The following DPP6 variants were observed in gnomAD, a reference collection of about 807,000 sequenced individuals.
DPP6 encodes dipeptidyl peptidase like 6.
A neutral mutation model predicts 122.6 loss-of-function variants in DPP6; 69 were observed. The observed-to-expected ratio is 0.56, with a 90% confidence interval of 0.46 to 0.69. The LOEUF (loss-of-function observed/expected upper bound fraction) is 0.69. Ranked by LOEUF, DPP6 falls within the 30% of genes least tolerant of loss-of-function variation. DPP6 has a pLI of 0.00. For synonymous variants in DPP6, 418 were observed against 433.1 expected, an observed-to-expected ratio of 0.97 and a Z score of 0.43; for missense variants, 928 against 1,116.9, an observed-to-expected ratio of 0.83 and a Z score of 2.41.
At chr7:153,819,810 A>C in the DPP6 span, among the ~76,000 whole-genome samples, 3 of 152,224 alleles carry the variant, frequency 2.0e-5, no homozygotes, top group Non-Finnish European at 2.9e-5. Context: ...AAAATCACTG[A>C]AATAAATGTA....
At chr7:154,416,983 T>C (rs1205079702) in intron 1 of DPP6, among the ~76,000 whole-genome samples, 1 of 152,204 alleles carries the variant, frequency 6.6e-6, no homozygotes, top group African/African-American at 2.4e-5. Flanking sequence ...TCACCTTGCT[T>C]ACCAAGGCCT....
intron 1 of DPP6, among the ~76,000 whole-genome samples, chr7:154,420,927 A>G (rs1817419324): frequency 6.6e-6 from 1 of 152,214 alleles, no homozygotes; most frequent in African/African-American, 2.4e-5. Context: ...GGCATTTTGC[A>G]CTTAAATCTG....
At position 154,421,135 on chromosome 7, in the gene DPP6, A is replaced by C. The variant is rs1318826655; in HGVS notation, c.244-25079A>C. On this transcript the variant is annotated intron_variant, in intron 1 of 25. Coordinates refer to ENST00000377770, the MANE Select transcript of DPP6 (RefSeq NM_130797.4). ...CGTCACGTCTGACACTCAGTTCTACATCTGTAAGTGAATATAACAATGCCT... is the reference window on the plus strand; with the variant it reads ...CGTCACGTCTGACACTCAGTTCTACCTCTGTAAGTGAATATAACAATGCCT... 2.7e-5 allele frequency among the ~76,000 whole-genome samples: 4 copies of C among 146,610 alleles called. No individual in the cohort carries two copies. In the East Asian group the frequency reaches 8.4e-4, roughly 31 times the overall value.
chr7:153,904,998 A>C (rs1156267313), intron 1 of DPP6, among the ~76,000 whole-genome samples: 2 of 152,248 alleles, frequency 1.3e-5, no homozygotes, highest in Non-Finnish European at 2.9e-5. Flanking sequence ...TAGGATTGGC[A>C]CAAAGGGTCT....
chr7:154,341,408 G>T (rs1809920016), intron 1 of DPP6, among the ~76,000 whole-genome samples: 1 of 152,028 alleles, frequency 6.6e-6, no homozygotes, highest in Non-Finnish European at 1.5e-5. Flanking sequence ...TCAGGTTTTA[G>T]AAATGAAATC....
chr7:153,756,345 C>A, the DPP6 span, among the ~76,000 whole-genome samples: 2 of 151,014 alleles, frequency 1.3e-5, no homozygotes, highest in Non-Finnish European at 2.9e-5. Flanking sequence ...CCTCTCATTT[C>A]AAAAAACTGA....
chr7:154,540,826 T>C (rs909072003), intron 4 of DPP6, among the ~76,000 whole-genome samples, 200 bp downstream of exon 4: 3 of 152,196 alleles, frequency 2.0e-5, no homozygotes, highest in African/African-American at 4.8e-5. Context: ...GTTTCTTTCA[T>C]TGTCTGGGAA....
At chr7:154,837,235 C>T (rs1264320011) in intron 16 of DPP6, among the ~76,000 whole-genome samples, 1 of 149,360 alleles carries the variant, frequency 6.7e-6, no homozygotes, top group Non-Finnish European at 1.5e-5. Context: ...CACACACACG[C>T]ATGCATAAGG....
In DPP6 at chr7:154,053,055, G is replaced by T; in HGVS notation, c.235G>T (p.Glu79Ter). The T allele has an allele frequency of 1.9e-6, 2 of 1,057,576 alleles. No individual in the cohort carries two copies. The highest frequency in any genetic ancestry group is 2.3e-6 in the Non-Finnish European group (2 of 876,008). The allele number at this position is 1,057,576 out of a possible 1,614,324, so 65.5% of individuals were successfully genotyped here. The change falls in exon 1 of 26, where the codon GAG becomes TAG. Residue 79 changes from glutamate to a stop codon, truncating the protein, a stop_gained. Coordinates refer to ENST00000377770, the MANE Select transcript of DPP6 (RefSeq NM_130797.4). LOFTEE classifies it high-confidence loss of function. ...FQYQARSDGDEEDELVGSNPP... is the reference protein window; with the variant it reads ...FQYQARSDGD ...GTACCAGGCGCGGAGCGATGGTGAC[G>T]AGGAGGACGTAAGAGCTTCTCGGGG...
At chr7:154,582,175 A>C (rs11770433) in intron 5 of DPP6, among the ~76,000 whole-genome samples, 87,152 of 152,048 alleles carry the variant, frequency 0.57, 26,914 homozygotes, top group Non-Finnish European at 0.69. Context: ...TTGGTAATCA[A>C]AGGTTTCATT....
intron 10 of DPP6, among the ~76,000 whole-genome samples, chr7:154,782,414 C>A (rs1186743382): frequency 2.0e-5 from 3 of 152,202 alleles, no homozygotes; most frequent in Non-Finnish European, 4.4e-5. Flanking sequence ...TAGCACTCAG[C>A]TCCAGCCTTA....
chr7:154,323,280 A>G (rs1218207221), intron 1 of DPP6, among the ~76,000 whole-genome samples: 5 of 152,134 alleles, frequency 3.3e-5, no homozygotes, highest in African/African-American at 9.7e-5. Flanking sequence ...AGTTCTTTAA[A>G]TTGGCACAGT....
chr7:154,751,836 C>A (rs575265690), intron 8 of DPP6, among the ~76,000 whole-genome samples: 1 of 151,848 alleles, frequency 6.6e-6, no homozygotes, highest in African/African-American at 2.4e-5. Context: ...GCTGCATGGC[C>A]GGTGGGGGGT....
intron 8 of DPP6, among the ~76,000 whole-genome samples, chr7:154,765,529 A>G (rs960257305): frequency 3.9e-5 from 6 of 152,298 alleles, no homozygotes; most frequent in Non-Finnish European, 8.8e-5. Flanking sequence ...CCTACTGGAT[A>G]TGACCTTAAT....
At chr7:154,269,402 G>A (rs1044991369) in intron 1 of DPP6, among the ~76,000 whole-genome samples, 3 of 152,140 alleles carry the variant, frequency 2.0e-5, no homozygotes, top group Non-Finnish European at 4.4e-5. Flanking sequence ...AGCCTAGTGC[G>A]ATGTCAGGTA....
intron 20 of DPP6, 59 bp downstream of exon 20, chr7:154,876,159 C>A (rs1395400054): frequency 6.7e-7 from 1 of 1,482,030 alleles, no homozygotes; most frequent in Non-Finnish European, 8.9e-7. Context: ...CTCATGGGGG[C>A]AGCACCGCAG....
chr7:154,867,715 G>A (rs556912329), intron 17 of DPP6, among the ~76,000 whole-genome samples: 1 of 152,160 alleles, frequency 6.6e-6, no homozygotes. Flanking sequence ...TGCGTGTGAC[G>A]CCACGGAGAA....
rs73163471 is a variant in DPP6, at chr7:153,936,472, G to A, written c.51+48738G>A. ...AGATAGACGGTGTTCCCATCTTCCC[G>A]CACGTAGACAGAGTCTGGGACTGAG... On this transcript the variant is annotated intron_variant, in intron 1 of 25. Coordinates refer to the DPP6 transcript ENST00000404039. Among the ~76,000 whole-genome samples the A allele has an allele frequency of 3.8e-3, 573 of 152,146 alleles. 2 individuals carry two copies. Among genetic ancestry groups the A allele is most frequent in the Non-Finnish European group, 6.4e-3 (437 of 67,998 alleles).
intron 5 of DPP6, among the ~76,000 whole-genome samples, chr7:154,634,875 T>C (rs983502901): frequency 2.6e-5 from 4 of 152,202 alleles, no homozygotes; most frequent in Non-Finnish European, 5.9e-5. Context: ...GGTGTTTGTT[T>C]TGGGGATGGC....
Sources: gnomAD v4.1 joint callset for allele counts (sites outside exome capture counted in the v4.1 genomes callset) on GRCh38, gnomAD v4.1.1 for gene constraint, MANE v1.5 for transcripts, NCBI Gene and HGNC (gene_info 2026-07-23, HGNC 2026-07-21) for gene names.